Variants in ORC3 observed in about 807,000 individuals in gnomAD.
The protein encoded by ORC3 is origin recognition complex subunit 3, also known as homolog of latheo, Drosophila.
ORC3 carries 78 observed loss-of-function variants against 100.7 expected under a neutral mutation model. That is an observed-to-expected ratio of 0.77 (90% CI 0.65 to 0.94). The LOEUF is 0.94. ORC3 is among the 40% of genes least tolerant of loss of function. The pLI, the probability that ORC3 is intolerant of heterozygous loss-of-function variation, is 0.00. For synonymous variants in ORC3, 295 were observed against 289.3 expected, an observed-to-expected ratio of 1.02 and a Z score of -0.20; for missense variants, 789 against 823.9, an observed-to-expected ratio of 0.96 and a Z score of 0.52.
chr6:87,645,990 T>TC (rs1768745710), intron 13 of ORC3, among the ~76,000 whole-genome samples: 1 of 145,378 alleles, frequency 6.9e-6, no homozygotes, highest in African/African-American at 2.6e-5. Flanking sequence ...TTTTCTTTTT[T>TC]TTTTCTTTTT....
At chr6:87,645,903 A>G (rs1422170949) in intron 13 of ORC3, among the ~76,000 whole-genome samples, 2 of 151,990 alleles carry the variant, frequency 1.3e-5, no homozygotes, top group Non-Finnish European at 2.9e-5. Flanking sequence ...CAGATTACCT[A>G]TAAAGCTTTT....
chr6:87,627,692 T>C (rs961064438), intron 11 of ORC3, among the ~76,000 whole-genome samples: 2 of 152,178 alleles, frequency 1.3e-5, no homozygotes, highest in African/African-American at 4.8e-5. Flanking sequence ...TCTTATGTTA[T>C]ATAGTTGTAT....
intron 11 of ORC3, among the ~76,000 whole-genome samples, chr6:87,623,462 C>T (rs1433455512): frequency 6.6e-6 from 1 of 152,164 alleles, no homozygotes; most frequent in Non-Finnish European, 1.5e-5. Context: ...CAGCTAGTTG[C>T]CAAGTCCATT....
chr6:87,620,433 G>A (rs1779456493), intron 9 of ORC3, among the ~76,000 whole-genome samples: 1 of 152,072 alleles, frequency 6.6e-6, no homozygotes, highest in African/African-American at 2.4e-5. Context: ...TCTAGCCTTG[G>A]GTATCTTGTT....
At chr6:87,633,560 G>A (rs1767591143) in intron 11 of ORC3, among the ~76,000 whole-genome samples, 1 of 152,190 alleles carries the variant, frequency 6.6e-6, no homozygotes, top group African/African-American at 2.4e-5. Context: ...TTTCCTAAGT[G>A]AGTTGGTGTT....
intron 11 of ORC3, among the ~76,000 whole-genome samples, chr6:87,630,684 G>A (rs910301518): frequency 6.6e-5 from 10 of 152,204 alleles, no homozygotes; most frequent in Admixed American, 2.0e-4. Context: ...TGCGTGGGAA[G>A]TGGAGTCAAA....
At chr6:87,633,515 G>C (rs1767586440) in intron 11 of ORC3, among the ~76,000 whole-genome samples, 1 of 152,180 alleles carries the variant, frequency 6.6e-6, no homozygotes, top group Non-Finnish European at 1.5e-5. Context: ...TGTGCTTTCA[G>C]GTAATGACCC....
intron 8 of ORC3, among the ~76,000 whole-genome samples, chr6:87,615,284 GT>G: frequency 6.6e-6 from 1 of 152,214 alleles, no homozygotes; most frequent in South Asian, 2.1e-4. Flanking sequence ...CTCCCACCAG[GT>G]CCCTCCCACA....
At chr6:87,672,345 A>C (rs1366649108), downstream of ORC3, among the ~76,000 whole-genome samples, 2 of 152,336 alleles carry the variant, frequency 1.3e-5, no homozygotes, top group South Asian at 4.1e-4. Context: ...CATGCTTATT[A>C]TGCTTTTGGA....
chr6:87,674,446 T>C, the ORC3 span, among the ~76,000 whole-genome samples: 1 of 151,744 alleles, frequency 6.6e-6, no homozygotes, highest in Non-Finnish European at 1.5e-5. Flanking sequence ...CTTACTTCAT[T>C]ATAAGAAAGC....
chr6:87,675,516 G>A, the ORC3 span: 17 of 1,549,708 alleles, frequency 1.1e-5, no homozygotes, highest in Non-Finnish European at 1.1e-5. Flanking sequence ...AGGGGTATTG[G>A]CATTGCTGCA....
At chr6:87,601,985 A>G in intron 3 of ORC3, 104 bp downstream of exon 3, 1 of 742,196 alleles carries the variant, frequency 1.3e-6, no homozygotes, top group Non-Finnish European at 2.4e-6. Context: ...GAAATATAGG[A>G]AGTATTGGTC....
At chr6:87,639,630 G>A (rs1400592833) in intron 13 of ORC3, among the ~76,000 whole-genome samples, 2 of 152,062 alleles carry the variant, frequency 1.3e-5, no homozygotes, top group Non-Finnish European at 2.9e-5. Context: ...CCCTGTTGGA[G>A]GTTGATGTTG....
intron 16 of ORC3, among the ~76,000 whole-genome samples, chr6:87,659,940 A>ATTT (rs10645127): frequency 0.62 from 94,519 of 151,600 alleles, 30,644 homozygotes; most frequent in African/African-American, 0.81. Flanking sequence ...CAAAAATTAC[A>ATTT]TAGAACCCAC....
chr6:87,676,190 T>C, the ORC3 span, among the ~76,000 whole-genome samples: 538 of 151,434 alleles, frequency 3.6e-3, 2 homozygotes, highest in African/African-American at 0.011. Context: ...TGGGACCGGG[T>C]GCGGTGGCTC....
chr6:87,672,149 G>T (rs1770847790), downstream of ORC3, among the ~76,000 whole-genome samples: 1 of 152,132 alleles, frequency 6.6e-6, no homozygotes, highest in South Asian at 2.1e-4. Context: ...TTAAATTAGG[G>T]AAGTATTTTA....
chr6:87,646,407 A>G (rs1201538052), intron 13 of ORC3, among the ~76,000 whole-genome samples: 1 of 152,148 alleles, frequency 6.6e-6, no homozygotes, highest in African/African-American at 2.4e-5. Flanking sequence ...GTGGCTTTCA[A>G]ACTTTTTAGT....
Position 87,653,141 on chromosome 6 carries a change from A to G in ORC3, c.1408A>G (p.Thr470Ala), listed in dbSNP as rs1296121331. ...GATGTTGGCAAAGGATGAACTGATG[A>G]CCATACTTGAGAAATGTTTCAAGGT... ...LRMLAKDELMTILEKCFKVFK... is the reference protein window; with the variant it reads ...LRMLAKDELMAILEKCFKVFK... Residue 470 changes from threonine (T) to alanine (A), a missense_variant, in exon 14 of 20, where the codon ACC becomes GCC. Physicochemically the swap from Thr to Ala is moderately conservative, Grantham distance 58 (BLOSUM62 0). Transcript: ENST00000392844. 6.2e-7 allele frequency: 1 copy of G among 1,613,256 alleles called. No homozygotes were observed. Among genetic ancestry groups the G allele is most frequent in the East Asian group, 2.2e-5 (1 of 44,886 alleles).
chr6:87,621,252 A>G (rs1218033462), intron 9 of ORC3, 102 bp from the exon 10 acceptor site: 1 of 748,166 alleles, frequency 1.3e-6, no homozygotes, highest in Non-Finnish European at 2.0e-6. Context: ...TGCCATAAAT[A>G]CTTTGGCTCT....
Sources: allele counts gnomAD v4.1 joint callset (sites outside exome capture counted in the v4.1 genomes callset), GRCh38; gene constraint gnomAD v4.1.1; transcripts MANE v1.5; gene names NCBI Gene and HGNC (gene_info 2026-07-23, HGNC 2026-07-21).